Variants in DEPDC5 observed in about 807,000 individuals in gnomAD.
The protein encoded by DEPDC5 is DEP domain containing 5, GATOR1 subcomplex subunit, also known as GATOR1 complex protein DEPDC5.
In DEPDC5, 73 loss-of-function variants were observed where a neutral mutation model predicts 217.3. That is an observed-to-expected ratio of 0.34 (90% CI 0.28 to 0.41). The LOEUF (loss-of-function observed/expected upper bound fraction) is 0.41. Among genes scored for constraint, DEPDC5 ranks in the 10% least tolerant of loss-of-function variants. The pLI is 1.00. For synonymous variants in DEPDC5, 733 were observed against 756.7 expected, an observed-to-expected ratio of 0.97 and a Z score of 0.51; for missense variants, 1,675 against 2,070.1, an observed-to-expected ratio of 0.81 and a Z score of 3.70.
At chr22:31,894,561 T>C (rs2149382661) in intron 39 of DEPDC5, 1 of 152,200 alleles carries the variant, frequency 6.6e-6, no homozygotes, top group East Asian at 1.9e-4. Context: ...TGGCAATATC[T>C]GAAGACAGAA....
chr22:31,875,505 G>A (rs2092964259), intron 36 of DEPDC5: 1 of 151,560 alleles, frequency 6.6e-6, no homozygotes, highest in African/African-American at 2.4e-5. Flanking sequence ...ATTTATTTCT[G>A]GGGAGAGAGA....
At chr22:31,761,617 G>A (rs867431903) in intron 4 of DEPDC5, among the ~76,000 whole-genome samples, 1 of 149,516 alleles carries the variant, frequency 6.7e-6, no homozygotes, top group Non-Finnish European at 1.5e-5. Flanking sequence ...GAGCTATAAC[G>A]GTGCCACCGC....
At chr22:31,860,265 C>T (rs1037846089) in intron 32 of DEPDC5, among the ~76,000 whole-genome samples, 1 of 152,158 alleles carries the variant, frequency 6.6e-6, no homozygotes, top group African/African-American at 2.4e-5. Context: ...TGTTAGAATG[C>T]GTTGGGGGTA....
chr22:31,803,342 C>A (rs1275696757), intron 15 of DEPDC5, among the ~76,000 whole-genome samples: 1 of 152,084 alleles, frequency 6.6e-6, no homozygotes, highest in Admixed American at 6.6e-5. Context: ...TCCCAAGTAG[C>A]TGGGACTACA....
intron 25 of DEPDC5, 122 bp downstream of exon 25, chr22:31,834,102 G>A (rs1326513215): frequency 3.1e-6 from 3 of 955,934 alleles, no homozygotes; most frequent in Admixed American, 3.4e-5. Flanking sequence ...TACCTCTGGG[G>A]TATGGGAAGG....
chr22:31,763,923 T>TTGTTA lies in DEPDC5; in HGVS notation c.194-1035_194-1031dup, dbSNP rs780980101. 1.6e-4 allele frequency among the ~76,000 whole-genome samples: 25 copies of TTGTTA among 152,064 alleles called. No homozygotes were observed. The East Asian group carries it at 2.7e-3, about 16-fold the overall frequency. ...TTTTTTATGTTATGTTATGTTATGTTTGTTATGTTATGTTATGTTATTTTG... is the reference window on the plus strand; with the variant it reads ...TTTTTTATGTTATGTTATGTTATGTTTGTTATGTTATGTTATGTTATGTTATTTTG... On this transcript the variant is annotated intron_variant, in intron 4 of 42. Coordinates refer to ENST00000651528, the MANE Select transcript of DEPDC5 (RefSeq NM_001242896.3).
In DEPDC5 at chr22:31,758,621, A is replaced by G; in HGVS notation, c.134A>G (p.Asn45Ser). Residue 45 changes from asparagine (N) to serine (S), a missense_variant, in exon 3 of 43, where the codon AAC becomes AGC. Asn to Ser is a conservative substitution (Grantham distance 46, BLOSUM62 1). This residue lies in a region of DEPDC5 where 628 missense variants were observed against 762.1 expected (regional missense o/e 0.82). Transcript: ENST00000651528. ...LGDIVEIAHP[N>S]DEYSPLLLQV... ...GACATTGTAGAGATTGCACACCCCA[A>G]CGATGAATACAGGTGAGTGTCTCAT... 5 of 1,614,062 alleles carry G rather than the reference A, an allele frequency of 3.1e-6. No homozygotes were observed. Among genetic ancestry groups the G allele is most frequent in the South Asian group, 1.1e-5 (1 of 91,074 alleles).
chr22:31,758,508 A>T (rs770100263), intron 2 of DEPDC5, 38 bp from the exon 3 acceptor site: 1 of 1,573,742 alleles, frequency 6.4e-7, no homozygotes, highest in East Asian at 2.2e-5. Flanking sequence ...GTACCTAATG[A>T]GTGTTTTTCT....
At chr22:31,855,543 A>AT (rs1240832234) in intron 31 of DEPDC5, among the ~76,000 whole-genome samples, 2 of 150,920 alleles carry the variant, frequency 1.3e-5, no homozygotes, top group Non-Finnish European at 3.0e-5. Context: ...CGCCCGGCTA[A>AT]TTTTTTTTGT....
At chr22:31,881,014 CAAA>C (rs753086072) in intron 38 of DEPDC5, among the ~76,000 whole-genome samples, 4 of 111,020 alleles carry the variant, frequency 3.6e-5, no homozygotes, top group Non-Finnish European at 3.8e-5. Flanking sequence ...GACTCCGTCT[CAAA>C]AAAAAAAAAA....
chr22:31,776,669 G>A (rs1186380936), intron 7 of DEPDC5, among the ~76,000 whole-genome samples: 2 of 142,272 alleles, frequency 1.4e-5, no homozygotes, highest in African/African-American at 2.7e-5. Context: ...CTCTGCCTCC[G>A]GGGTTCAAGT....
chr22:31,780,460 C>T (rs2084311214), intron 8 of DEPDC5, among the ~76,000 whole-genome samples: 1 of 152,160 alleles, frequency 6.6e-6, no homozygotes, highest in South Asian at 2.1e-4. Flanking sequence ...GTCTGGAGTT[C>T]TCGTAATCAC....
At chr22:31,902,408 T>TTATATATATATATATATATATA (rs66813737) in intron 41 of DEPDC5, among the ~76,000 whole-genome samples, 54 of 111,900 alleles carry the variant, frequency 4.8e-4, no homozygotes, top group South Asian at 8.6e-4. Context: ...CATCTCCTTA[T>TTATATATATATATATATATATA]TATATATATA....
chr22:31,765,689 A>T (rs571851000), intron 5 of DEPDC5, among the ~76,000 whole-genome samples: 1 of 152,204 alleles, frequency 6.6e-6, no homozygotes, highest in Non-Finnish European at 1.5e-5. Flanking sequence ...GCGCTATTGC[A>T]CTTCAGCCTG....
At chr22:31,843,246 T>A in intron 28 of DEPDC5, 34 bp downstream of exon 28, 1 of 1,592,322 alleles carries the variant, frequency 6.3e-7, no homozygotes, top group South Asian at 1.1e-5. Flanking sequence ...CTTCAGTTAT[T>A]GTCCTGAATT....
intron 18 of DEPDC5, among the ~76,000 whole-genome samples, chr22:31,808,804 A>G (rs1461508302): frequency 6.6e-6 from 1 of 152,108 alleles, no homozygotes; most frequent in Non-Finnish European, 1.5e-5. Flanking sequence ...ACCTCAGGTG[A>G]TCTACCTGTC....
At chr22:31,789,886 C>T (rs927216472) in intron 10 of DEPDC5, among the ~76,000 whole-genome samples, 5 of 151,942 alleles carry the variant, frequency 3.3e-5, no homozygotes, top group African/African-American at 9.7e-5. Context: ...GGACTACAGG[C>T]GCAGGCCACC....
intron 12 of DEPDC5, among the ~76,000 whole-genome samples, chr22:31,795,542 C>T (rs1254280220): frequency 4.7e-5 from 7 of 149,396 alleles, no homozygotes; most frequent in Non-Finnish European, 7.4e-5. Context: ...GACAGGCACC[C>T]GCCACCATGC....
At chr22:31,778,819 G>A (rs1453840161) in intron 8 of DEPDC5, among the ~76,000 whole-genome samples, 1 of 152,070 alleles carries the variant, frequency 6.6e-6, no homozygotes, top group Admixed American at 6.6e-5. Flanking sequence ...CCATCTCCAT[G>A]CCTTCTCTGA....
Sources: allele counts gnomAD v4.1 joint callset (sites outside exome capture counted in the v4.1 genomes callset), GRCh38; gene constraint gnomAD v4.1.1; regional missense constraint gnomAD v4.1.1; transcripts MANE v1.5; gene names NCBI Gene and HGNC (gene_info 2026-07-23, HGNC 2026-07-21).